CTBP2: variants seen among roughly 807,000 people sequenced by gnomAD.
CTBP2 encodes the protein C-terminal-binding protein 2.
Under a neutral mutation model 80.3 loss-of-function variants are expected in CTBP2, and 30 were observed. That is an observed-to-expected ratio of 0.37 (90% CI 0.28 to 0.51). The LOEUF (loss-of-function observed/expected upper bound fraction) is 0.51. Among genes scored for constraint, CTBP2 ranks in the 20% least tolerant of loss-of-function variants. CTBP2 has a pLI of 0.93. For missense variants in CTBP2, 1,212 were observed against 1,375.3 expected, an observed-to-expected ratio of 0.88 and a Z score of 1.88; for synonymous variants, 594 against 587.4, an observed-to-expected ratio of 1.01 and a Z score of -0.16.
intron 2 of CTBP2, among the ~76,000 whole-genome samples, chr10:125,060,457 C>T (rs1964733079): frequency 7.2e-6 from 1 of 138,886 alleles, no homozygotes; most frequent in Admixed American, 7.6e-5. Flanking sequence ...TATTCCATTC[C>T]CCCCACGTGT....
At chr10:125,110,485 T>C (rs764002163) in intron 2 of CTBP2, among the ~76,000 whole-genome samples, 1 of 152,162 alleles carries the variant, frequency 6.6e-6, no homozygotes, top group Non-Finnish European at 1.5e-5. Flanking sequence ...AGAAAAATCA[T>C]GGTATGTTCA....
chr10:125,091,395 C>T (rs1195194909), intron 2 of CTBP2, among the ~76,000 whole-genome samples: 1 of 152,190 alleles, frequency 6.6e-6, no homozygotes, highest in African/African-American at 2.4e-5. Context: ...CTTCGTAAAT[C>T]TTGCATTGCA....
chr10:125,033,600 CGTGCGGGCT>C (rs1958502588), intron 3 of CTBP2, among the ~76,000 whole-genome samples: 1 of 152,214 alleles, frequency 6.6e-6, no homozygotes, highest in Non-Finnish European at 1.5e-5. Flanking sequence ...TCTCCGCATT[CGTGCGGGCT>C]GCTGTCTGCT....
intron 3 of CTBP2, among the ~76,000 whole-genome samples, chr10:125,036,145 T>C (rs571731179): frequency 6.6e-6 from 1 of 152,306 alleles, no homozygotes; most frequent in South Asian, 2.1e-4. Context: ...CGGCAGATTC[T>C]GGGCACACAG....
At chr10:124,995,048 T>G (rs1327773231) in intron 4 of CTBP2, among the ~76,000 whole-genome samples, 2 of 152,164 alleles carry the variant, frequency 1.3e-5, no homozygotes, top group African/African-American at 4.8e-5. Flanking sequence ...TCTCCCCACT[T>G]CTTGTGTGCA....
At chr10:125,111,996 A>G (rs1295501638) in intron 1 of CTBP2, among the ~76,000 whole-genome samples, 1 of 152,174 alleles carries the variant, frequency 6.6e-6, no homozygotes, top group East Asian at 1.9e-4. Context: ...GGCACACTCT[A>G]AAGACATGAG....
intron 4 of CTBP2, among the ~76,000 whole-genome samples, chr10:124,995,694 T>C (rs7899208): frequency 0.75 from 113,944 of 152,138 alleles, 44,713 homozygotes; most frequent in East Asian, 0.94. Flanking sequence ...CAGGGACAGC[T>C]GCAGGACAAC....
rs377723083 is a variant in CTBP2 at position 125,148,190 on chromosome 10, G to A, written c.-206+12129C>T. On this transcript the variant is annotated intron_variant, in intron 1 of 10. Transcript: ENST00000337195. Reference sequence around the variant, plus strand: ...GTTTGAAAGGAAGAAAGACATTCACGACCTTCCAGTGGGACCTCTCTGGTC... The same window carrying A: ...GTTTGAAAGGAAGAAAGACATTCACAACCTTCCAGTGGGACCTCTCTGGTC... Among the ~76,000 whole-genome samples the A allele has an allele frequency of 1.4e-4, 22 of 152,126 alleles. 1 individual carries two copies. Among genetic ancestry groups the A allele is most frequent in the Admixed American group, 1.0e-3 (16 of 15,278 alleles).
chr10:125,105,427 A>G (rs1463654287), intron 2 of CTBP2, among the ~76,000 whole-genome samples: 1 of 152,236 alleles, frequency 6.6e-6, no homozygotes, highest in Non-Finnish European at 1.5e-5. Context: ...ACTTTAGAAA[A>G]TGCATCCAAT....
At chr10:125,161,207 A>C (rs1426662414), upstream of CTBP2, 1 of 150,760 alleles carries the variant, frequency 6.6e-6, no homozygotes, top group East Asian at 2.0e-4. Context: ...AGTGCACACA[A>C]GCGCGGCGGG....
chr10:124,999,616 G>A (rs1321010632), intron 3 of CTBP2: 4 of 152,212 alleles, frequency 2.6e-5, no homozygotes, highest in Admixed American at 6.5e-5. Context: ...GGCCACTGAG[G>A]GCTCCTCTGG....
intron 1 of CTBP2, among the ~76,000 whole-genome samples, chr10:125,140,499 C>T (rs1591040420): frequency 6.6e-6 from 1 of 152,174 alleles, no homozygotes. Context: ...AATTCCAAGA[C>T]TCATTTCAAG....
At position 124,993,813 on chromosome 10, in the gene CTBP2, G is replaced by C. The variant is rs773683141; in HGVS notation, c.2531+42C>G. The C allele has an allele frequency of 5.7e-6, 9 of 1,590,960 alleles. No homozygotes were observed. In the South Asian group the frequency reaches 6.8e-5, roughly 12 times the overall value. ...AAGTGTGGGGGTCAGGTGTGGAGCT[G>C]GGCCCTGTGGGCTCCTGGTAGGCGG... On this transcript the variant is annotated intron_variant, in intron 6 of 8. Coordinates refer to ENST00000309035, the MANE Select transcript of CTBP2 (RefSeq NM_022802.3).
chr10:125,035,734 C>A (rs575168450), intron 3 of CTBP2, among the ~76,000 whole-genome samples: 9 of 152,286 alleles, frequency 5.9e-5, no homozygotes, highest in African/African-American at 2.2e-4. Context: ...ATGTTTGGGG[C>A]AAACCAAAGG....
chr10:125,124,959 G>A (rs976442376), intron 1 of CTBP2, among the ~76,000 whole-genome samples: 13 of 152,120 alleles, frequency 8.5e-5, no homozygotes, highest in African/African-American at 3.1e-4. Flanking sequence ...ATCGCCCTCT[G>A]CCCCCTCCCT....
intron 1 of CTBP2, among the ~76,000 whole-genome samples, chr10:125,136,647 A>T (rs1160847571): frequency 6.6e-6 from 1 of 152,142 alleles, no homozygotes; most frequent in Non-Finnish European, 1.5e-5. Context: ...AAGCCTCCCT[A>T]CTTAGGCCTC....
At position 125,109,446 on chromosome 10, in the gene CTBP2, C is replaced by A. The variant is rs190612529; in HGVS notation, c.-102+1544G>T. Among the ~76,000 whole-genome samples, 219 of 152,332 alleles carry A rather than the reference C, an allele frequency of 1.4e-3. 1 individual carries two copies. The highest frequency in any genetic ancestry group is 0.014 in the Middle Eastern group (4 of 294). On this transcript the variant is annotated intron_variant, in intron 2 of 10. Transcript: ENST00000337195. ...GTGACTTTGTCTCTGCCTGAGAAAC[C>A]CGGGCAGATTCTAGCACACAGGTCT... is the stretch of plus-strand genomic sequence containing the variant.
intron 2 of CTBP2, among the ~76,000 whole-genome samples, chr10:125,108,360 TG>T (rs1851772355): frequency 6.6e-6 from 1 of 152,238 alleles, no homozygotes; most frequent in African/African-American, 2.4e-5. Context: ...GATGTATAAA[TG>T]GCTCTAGGGC....
intron 1 of CTBP2, among the ~76,000 whole-genome samples, chr10:125,129,932 G>A (rs888108795): frequency 6.6e-6 from 1 of 152,158 alleles, no homozygotes; most frequent in Admixed American, 6.5e-5. Context: ...GCACCGAAAA[G>A]GGCCCTCTGG....
Sources: gnomAD v4.1 joint callset for allele counts (sites outside exome capture counted in the v4.1 genomes callset) on GRCh38, gnomAD v4.1.1 for gene constraint, MANE v1.5 for transcripts, NCBI Gene and HGNC (gene_info 2026-07-23, HGNC 2026-07-21) for gene names.